The following SH3GL3 variants were observed in gnomAD, a reference collection of about 807,000 sequenced individuals.
SH3GL3 encodes SH3 domain containing GRB2 like 3, endophilin A3.
In SH3GL3, 33 loss-of-function variants were observed where a neutral mutation model predicts 47.7. That is an observed-to-expected ratio of 0.69 (90% CI 0.52 to 0.92). The LOEUF is 0.92. Ranked by LOEUF, SH3GL3 falls within the 40% of genes least tolerant of loss-of-function variation. SH3GL3 has a pLI of 0.00. For missense variants in SH3GL3, 363 were observed against 417.8 expected (o/e 0.87, Z 1.14); for synonymous variants, 155 against 148.8 (o/e 1.04, Z -0.30).
chr15:83,575,944 C>T (rs967432623), intron 5 of SH3GL3, among the ~76,000 whole-genome samples: 11 of 152,098 alleles, frequency 7.2e-5, no homozygotes, highest in African/African-American at 2.7e-4. Flanking sequence ...TACTGCTACG[C>T]AAGGCAGCCT....
chr15:83,573,505 G>A (rs2059591009), intron 5 of SH3GL3, among the ~76,000 whole-genome samples: 1 of 152,214 alleles, frequency 6.6e-6, no homozygotes, highest in Non-Finnish European at 1.5e-5. Context: ...CAGCAAGTCT[G>A]TGTTTTATAA....
intron 1 of SH3GL3, among the ~76,000 whole-genome samples, chr15:83,450,804 A>ATTTTTTTTT (rs34099509): frequency 2.2e-4 from 13 of 58,814 alleles, no homozygotes; most frequent in African/African-American, 3.2e-4. Flanking sequence ...TTTTTTTTTA[A>ATTTTTTTTT]TTTTTTTTTT....
In SH3GL3 at chr15:83,471,623, A is replaced by C. The variant is rs1011718348; in HGVS notation, c.45+24045A>C. Among the ~76,000 whole-genome samples, 7 of 152,180 alleles carry C rather than the reference A, an allele frequency of 4.6e-5. 1 individual carries two copies. In the East Asian group the frequency reaches 5.8e-4, roughly 13 times the overall value. ...TCTGGCCTATAAAAGTTCACTTCTC[A>C]TACTACCGGACACAGGTCTCTGAAC... On this transcript the variant is annotated intron_variant, in intron 1 of 8. Coordinates refer to ENST00000427482, the MANE Select transcript of SH3GL3 (RefSeq NM_003027.5).
intron 6 of SH3GL3, among the ~76,000 whole-genome samples, chr15:83,582,448 C>G (rs960852590): frequency 2.6e-5 from 4 of 152,058 alleles, no homozygotes; most frequent in African/African-American, 9.7e-5. Context: ...GTGTGTTTTG[C>G]ATTAATAATG....
intron 8 of SH3GL3, among the ~76,000 whole-genome samples, chr15:83,607,735 C>G (rs1428382416): frequency 6.6e-6 from 1 of 151,906 alleles, no homozygotes; most frequent in African/African-American, 2.4e-5. Context: ...AAGGAGCAGG[C>G]CAGACGAGGT....
chr15:83,562,027 C>CA (rs1431588936), intron 2 of SH3GL3, among the ~76,000 whole-genome samples: 2 of 121,312 alleles, frequency 1.6e-5, no homozygotes, highest in African/African-American at 6.2e-5. Context: ...GACACACACA[C>CA]ACAACACACA....
At chr15:83,480,053 A>T (rs2041276720) in intron 1 of SH3GL3, among the ~76,000 whole-genome samples, 1 of 152,208 alleles carries the variant, frequency 6.6e-6, no homozygotes, top group South Asian at 2.1e-4. Flanking sequence ...AAAATTCACC[A>T]TGTTTACTGT....
At chr15:83,617,782 G>A (rs536687354) in intron 8 of SH3GL3, among the ~76,000 whole-genome samples, 3 of 152,310 alleles carry the variant, frequency 2.0e-5, no homozygotes, top group Middle Eastern at 3.4e-3. Flanking sequence ...TTCCTCTGTC[G>A]CTCCCTTAGG....
At chr15:83,599,790 A>G (rs1224702350) in intron 8 of SH3GL3, among the ~76,000 whole-genome samples, 1 of 152,146 alleles carries the variant, frequency 6.6e-6, no homozygotes, top group Non-Finnish European at 1.5e-5. Flanking sequence ...TAGTGGTTGT[A>G]CTAGTTTACA....
intron 1 of SH3GL3, among the ~76,000 whole-genome samples, chr15:83,534,424 C>T (rs1376086159): frequency 6.6e-6 from 1 of 152,166 alleles, no homozygotes; most frequent in African/African-American, 2.4e-5. Context: ...CTCTCTCCCT[C>T]CCTCTTGTTG....
chr15:83,496,860 G>A (rs1009713802), intron 1 of SH3GL3, among the ~76,000 whole-genome samples: 1 of 152,100 alleles, frequency 6.6e-6, no homozygotes, highest in African/African-American at 2.4e-5. Flanking sequence ...CATCTAGCTC[G>A]GCAGTGTTGA....
chr15:83,626,473 T>C, the SH3GL3 span, among the ~76,000 whole-genome samples: 15 of 152,198 alleles, frequency 9.9e-5, no homozygotes, highest in Non-Finnish European at 2.1e-4. Flanking sequence ...AGTCTGCCTG[T>C]TTCTGAGCTT....
At chr15:83,564,661 A>G (rs1271090674) in intron 2 of SH3GL3, among the ~76,000 whole-genome samples, 3 of 152,284 alleles carry the variant, frequency 2.0e-5, no homozygotes, top group South Asian at 4.1e-4. Flanking sequence ...TGTTTATTGT[A>G]TTATAATATA....
At chr15:83,489,858 GA>G (rs1567265829) in intron 1 of SH3GL3, among the ~76,000 whole-genome samples, 3 of 108,864 alleles carry the variant, frequency 2.8e-5, no homozygotes, top group Non-Finnish European at 4.2e-5. Flanking sequence ...TAGATAGATA[GA>G]TAGATAGATA....
At chr15:83,568,719 A>G (rs1409184046) in intron 4 of SH3GL3, 47 bp downstream of exon 4, 7 of 1,505,036 alleles carry the variant, frequency 4.7e-6, no homozygotes, top group Non-Finnish European at 6.5e-6. Context: ...CTCCTCCAGT[A>G]TGGTTTTAGG....
At position 83,447,579 on chromosome 15, in the gene SH3GL3, G is replaced by A; in HGVS notation, c.45+1G>A. 14 of 1,504,296 alleles carry A rather than the reference G, an allele frequency of 9.3e-6. No individual in the cohort carries two copies. The highest frequency in any genetic ancestry group is 1.2e-5 in the Non-Finnish European group (14 of 1,123,970). The allele number at this position is 1,504,296 out of a possible 1,614,324, so 93.2% of individuals were successfully genotyped here. ...GAAGCAGTTCCACAAAGCCAGCCAG[G>A]TAGGGAGGCGCAGAGGAGGGAAGGA... On this transcript the variant is annotated splice_donor_variant, in intron 1 of 8. Coordinates refer to ENST00000427482, the MANE Select transcript of SH3GL3 (RefSeq NM_003027.5). LOFTEE classifies it high-confidence loss of function. This position sits in a 1 kb window ranked among gnomAD's most constrained non-coding sequence, Gnocchi z 5.1.
At chr15:83,502,280 T>C (rs1376148912) in intron 1 of SH3GL3, among the ~76,000 whole-genome samples, 1 of 152,244 alleles carries the variant, frequency 6.6e-6, no homozygotes, top group Non-Finnish European at 1.5e-5. Flanking sequence ...GCCGAGTTGG[T>C]GATCACCATC....
chr15:83,534,576 A>C (rs2043822431), intron 1 of SH3GL3, among the ~76,000 whole-genome samples: 1 of 152,262 alleles, frequency 6.6e-6, no homozygotes, highest in Non-Finnish European at 1.5e-5. Flanking sequence ...TTCATAAAGA[A>C]GAAATTTAAA....
chr15:83,510,007 G>A (rs146848646), intron 1 of SH3GL3, among the ~76,000 whole-genome samples: 3 of 152,048 alleles, frequency 2.0e-5, no homozygotes, highest in African/African-American at 7.2e-5. Context: ...GATTCGAAGC[G>A]AATATATTAA....
Sources: gnomAD v4.1 joint callset for allele counts (sites outside exome capture counted in the v4.1 genomes callset) on GRCh38, gnomAD v4.1.1 for gene constraint, Gnocchi (gnomAD v3.1) non-coding constraint, MANE v1.5 for transcripts, NCBI Gene and HGNC (gene_info 2026-07-23, HGNC 2026-07-21) for gene names.